GALNTL6: variants seen among roughly 807,000 people sequenced by gnomAD.
GALNTL6 encodes polypeptide N-acetylgalactosaminyltransferase like 6.
In GALNTL6, 46 loss-of-function variants were observed where a neutral mutation model predicts 73.7. That is an observed-to-expected ratio of 0.62 (90% CI 0.49 to 0.80). GALNTL6 has a LOEUF of 0.80. GALNTL6 is among the 30% of genes least tolerant of loss of function. GALNTL6 has a pLI of 0.00. For synonymous variants in GALNTL6, 259 were observed against 263.7 expected (o/e 0.98, Z 0.17); for missense variants, 604 against 755.0 (o/e 0.80, Z 2.34).
At chr4:172,379,472 G>A (rs1743180810) in intron 5 of GALNTL6, among the ~76,000 whole-genome samples, 1 of 142,458 alleles carries the variant, frequency 7.0e-6, no homozygotes, top group African/African-American at 2.6e-5. Flanking sequence ...GGAGCTTGCA[G>A]TGAGCCGAGA....
intron 5 of GALNTL6, among the ~76,000 whole-genome samples, chr4:172,374,061 C>T (rs981148267): frequency 6.6e-6 from 1 of 152,192 alleles, no homozygotes; most frequent in Non-Finnish European, 1.5e-5. Flanking sequence ...AATCTTCGTT[C>T]TCTGGAGCAG....
chr4:172,872,830 C>G (rs745365493), intron 7 of GALNTL6, among the ~76,000 whole-genome samples: 1 of 152,202 alleles, frequency 6.6e-6, no homozygotes, highest in Non-Finnish European at 1.5e-5. Flanking sequence ...CCCACCCCAC[C>G]TCTCCCGTCA....
At position 172,229,584 on chromosome 4, in the gene GALNTL6, C is replaced by A. The variant is rs928225065; in HGVS notation, c.139-72C>A. The A allele has an allele frequency of 1.2e-4, 99 of 821,512 alleles. 1 individual carries two copies. In the East Asian group the frequency reaches 2.5e-3, roughly 20 times the overall value. 50.9% of individuals were successfully genotyped at this position (821,512 alleles called of 1,614,324 possible). A position where few individuals can be genotyped will look rare whatever the true frequency, so the allele number is the denominator to read the frequency against. On this transcript the variant is annotated intron_variant, in intron 2 of 12. Coordinates refer to ENST00000506823, the MANE Select transcript of GALNTL6 (RefSeq NM_001034845.3). ...ATATTCTTTGATTGCCTATTATGTGCCCGGCTGTGTTTACCTACCATGCAA... is the reference window on the plus strand; with the variant it reads ...ATATTCTTTGATTGCCTATTATGTGACCGGCTGTGTTTACCTACCATGCAA...
intron 5 of GALNTL6, among the ~76,000 whole-genome samples, chr4:172,662,280 CATT>C (rs1336624274): frequency 1.3e-5 from 2 of 152,164 alleles, no homozygotes; most frequent in Admixed American, 6.5e-5. Context: ...ATAAGGCAGT[CATT>C]ATTGCTAATT....
chr4:172,552,724 T>C (rs1463099297), intron 5 of GALNTL6, among the ~76,000 whole-genome samples: 1 of 148,700 alleles, frequency 6.7e-6, no homozygotes, highest in African/African-American at 2.6e-5. Flanking sequence ...TAAAAGTCAA[T>C]GTTAAAAGCG....
intron 2 of GALNTL6, among the ~76,000 whole-genome samples, chr4:171,875,362 G>A (rs1736247615): frequency 6.6e-6 from 1 of 152,138 alleles, no homozygotes; most frequent in Non-Finnish European, 1.5e-5. Context: ...ATTTCTTTAA[G>A]TTCCCACCTC....
At position 172,496,672 on chromosome 4, in the gene GALNTL6, G is replaced by T. The variant is rs530173036; in HGVS notation, c.553+147983G>T. On this transcript the variant is annotated intron_variant, in intron 5 of 12. Coordinates refer to ENST00000506823, the MANE Select transcript of GALNTL6 (RefSeq NM_001034845.3). ...CACTCCAGCCTGGGCAACAGAGTAA[G>T]ACCTTATCTCAAAAAATAATTAATT... Among the ~76,000 whole-genome samples, 41 of 152,260 alleles carry T rather than the reference G, an allele frequency of 2.7e-4. 1 individual carries two copies. The South Asian group carries it at 8.3e-3, about 31-fold the overall frequency.
intron 5 of GALNTL6, among the ~76,000 whole-genome samples, chr4:172,664,520 T>C (rs1731556530): frequency 6.6e-6 from 1 of 152,200 alleles, no homozygotes; most frequent in South Asian, 2.1e-4. Context: ...TGTTGGACTA[T>C]CCAGTTTAGG....
chr4:171,903,559 G>T (rs1245111754), intron 2 of GALNTL6, among the ~76,000 whole-genome samples: 3 of 148,286 alleles, frequency 2.0e-5, no homozygotes, highest in Non-Finnish European at 4.4e-5. Flanking sequence ...CGGCAGCGAG[G>T]CTGGGGGAGG....
At chr4:172,481,291 G>A (rs537689192) in intron 5 of GALNTL6, among the ~76,000 whole-genome samples, 2 of 151,894 alleles carry the variant, frequency 1.3e-5, no homozygotes, top group South Asian at 2.1e-4. Flanking sequence ...GCAGGCCTCA[G>A]GAGTGAAGCT....
chr4:171,899,247 G>A (rs1318494629), intron 2 of GALNTL6, among the ~76,000 whole-genome samples: 3 of 151,980 alleles, frequency 2.0e-5, no homozygotes, highest in Non-Finnish European at 4.4e-5. Flanking sequence ...CTATGGCAAA[G>A]GCTCCCAAGG....
Position 172,392,494 on chromosome 4 carries a change from G to A in GALNTL6, c.553+43805G>A, listed in dbSNP as rs115929083. 5.3e-3 allele frequency among the ~76,000 whole-genome samples: 786 copies of A among 147,982 alleles called. 6 individuals carry two copies. The highest frequency in any genetic ancestry group is 9.1e-3 in the Non-Finnish European group (611 of 67,494). ...TTTTTTTTTAATATAGAGCAGTCTC[G>A]CTCTGTGGCCTCAAGGGATCCTCCT... On this transcript the variant is annotated intron_variant, in intron 5 of 12. Transcript: ENST00000506823.
intron 2 of GALNTL6, among the ~76,000 whole-genome samples, chr4:172,137,160 G>GT (rs1733659999): frequency 6.6e-6 from 1 of 151,988 alleles, no homozygotes; most frequent in Admixed American, 6.6e-5. Context: ...ATTATTGACT[G>GT]TTTTTTGTTA....
rs549072630 is a variant in GALNTL6 at position 172,087,308 on chromosome 4, G to C, written c.139-142348G>C. Among the ~76,000 whole-genome samples the C allele has an allele frequency of 3.6e-4, 54 of 151,968 alleles. 1 individual carries two copies. The South Asian group carries it at 9.1e-3, about 26-fold the overall frequency. On this transcript the variant is annotated intron_variant, in intron 2 of 12. Coordinates refer to ENST00000506823, the MANE Select transcript of GALNTL6 (RefSeq NM_001034845.3). ...AAATATAAAAAAATTAGCCGGGCGT[G>C]GGGGTGGGCGCCTGTAGTCCCAGCT...
chr4:172,815,352 A>C (rs28637185), intron 7 of GALNTL6, among the ~76,000 whole-genome samples: 8,058 of 152,244 alleles, frequency 0.053, 356 homozygotes, highest in African/African-American at 0.12. Context: ...TGTGGAGAGG[A>C]GTACAAAAGG....
chr4:171,872,766 C>T (rs528375183), intron 2 of GALNTL6, among the ~76,000 whole-genome samples: 2 of 152,134 alleles, frequency 1.3e-5, no homozygotes, highest in Non-Finnish European at 2.9e-5. Flanking sequence ...TTAGGGCCCA[C>T]CTGAAAGATT....
chr4:172,201,847 A>G (rs1735968921), intron 2 of GALNTL6, among the ~76,000 whole-genome samples: 1 of 152,216 alleles, frequency 6.6e-6, no homozygotes. Flanking sequence ...TCTGTCAGCC[A>G]GCACTCTCCT....
chr4:172,316,284 T>C (rs1740539036), intron 4 of GALNTL6, among the ~76,000 whole-genome samples: 1 of 152,226 alleles, frequency 6.6e-6, no homozygotes. Context: ...GTTTCATTTT[T>C]TTGGCCGTTA....
At chr4:172,501,606 T>C (rs1734263596) in intron 5 of GALNTL6, among the ~76,000 whole-genome samples, 1 of 152,112 alleles carries the variant, frequency 6.6e-6, no homozygotes. Context: ...AGGAGACATA[T>C]CTAGATCCCT....
Sources: allele counts gnomAD v4.1 joint callset (sites outside exome capture counted in the v4.1 genomes callset), GRCh38; gene constraint gnomAD v4.1.1; transcripts MANE v1.5; gene names NCBI Gene and HGNC (gene_info 2026-07-23, HGNC 2026-07-21).